The following GNA14 variants were observed in gnomAD, a reference collection of about 807,000 sequenced individuals.
The protein encoded by GNA14 is G protein subunit alpha 14.
Under a neutral mutation model 42.0 loss-of-function variants are expected in GNA14, and 50 were observed. The ratio of observed to expected loss-of-function variants is 1.19; its 90% CI spans 0.95 to 1.51. The LOEUF is 1.51. GNA14 is among the 40% of genes most tolerant of loss of function. The pLI is 0.00. For synonymous variants in GNA14, 173 were observed against 163.1 expected, an observed-to-expected ratio of 1.06 and a Z score of -0.46; for missense variants, 473 against 446.2, an observed-to-expected ratio of 1.06 and a Z score of -0.54.
intron 3 of GNA14, 116 bp downstream of exon 3, chr9:77,434,252 A>G: frequency 1.1e-6 from 1 of 929,966 alleles, no homozygotes; most frequent in South Asian, 1.6e-5. Context: ...AAGCAAAGGC[A>G]AGTAGCGCTG....
chr9:77,449,983 G>C (rs77593535), intron 2 of GNA14, among the ~76,000 whole-genome samples: 2,514 of 152,200 alleles, frequency 0.017, 66 homozygotes, highest in African/African-American at 0.056. Flanking sequence ...AGAACATGAG[G>C]AATTGGCGGT....
At chr9:77,436,571 A>G (rs1665134087) in intron 2 of GNA14, among the ~76,000 whole-genome samples, 1 of 152,106 alleles carries the variant, frequency 6.6e-6, no homozygotes, top group Non-Finnish European at 1.5e-5. Flanking sequence ...GAACCTGGAC[A>G]GTGTTTATCC....
intron 1 of GNA14, among the ~76,000 whole-genome samples, chr9:77,557,685 T>G (rs1822810957): frequency 6.6e-6 from 1 of 151,554 alleles, no homozygotes; most frequent in South Asian, 2.1e-4. Context: ...GAACAAGGAG[T>G]GCGGTGGTTA....
chr9:77,450,421 C>T (rs1046432630), intron 2 of GNA14, among the ~76,000 whole-genome samples: 15 of 152,050 alleles, frequency 9.9e-5, no homozygotes, highest in African/African-American at 1.4e-4. Flanking sequence ...GCTTACATGC[C>T]GCATCAAAGG....
chr9:77,587,550 CA>C (rs1823324988), intron 1 of GNA14, among the ~76,000 whole-genome samples: 1 of 149,170 alleles, frequency 6.7e-6, no homozygotes, highest in Admixed American at 6.6e-5. Flanking sequence ...CCAGAAGACG[CA>C]AAAGTCACAT....
chr9:77,465,123 T>C (rs1310118105), intron 2 of GNA14, among the ~76,000 whole-genome samples: 1 of 152,246 alleles, frequency 6.6e-6, no homozygotes, highest in Admixed American at 6.5e-5. Flanking sequence ...TCTGTTGTTT[T>C]AAGCCACCTA....
At chr9:77,613,678 C>G (rs1336890568) in intron 1 of GNA14, among the ~76,000 whole-genome samples, 1 of 152,152 alleles carries the variant, frequency 6.6e-6, no homozygotes, top group Non-Finnish European at 1.5e-5. Flanking sequence ...ATATGTACAG[C>G]TTTCTATGCG....
rs76355289 is a variant in GNA14 at position 77,506,633 on chromosome 9, G to T, written c.309+22436C>A. ...CGGAGGTTGCAGTGAGCCGAGATCAGGCCACTACACTCCACCCTGTCAACA... is the reference window on the plus strand; with the variant it reads ...CGGAGGTTGCAGTGAGCCGAGATCATGCCACTACACTCCACCCTGTCAACA... On this transcript the variant is annotated intron_variant, in intron 2 of 6. Coordinates refer to ENST00000341700, the MANE Select transcript of GNA14 (RefSeq NM_004297.4). Among the ~76,000 whole-genome samples, 719 of 152,018 alleles carry T rather than the reference G, an allele frequency of 4.7e-3. 7 individuals are homozygous for T. Among genetic ancestry groups the T allele is most frequent in the African/African-American group, 0.017 (701 of 41,466 alleles).
intron 2 of GNA14, among the ~76,000 whole-genome samples, chr9:77,451,268 G>T (rs911983373): frequency 2.6e-5 from 4 of 151,992 alleles, no homozygotes; most frequent in African/African-American, 9.7e-5. Context: ...AGGTGGGGGT[G>T]GTCTTTTCAA....
At chr9:77,610,594 T>C (rs1012819932) in intron 1 of GNA14, among the ~76,000 whole-genome samples, 3 of 152,152 alleles carry the variant, frequency 2.0e-5, no homozygotes, top group Non-Finnish European at 2.9e-5. Flanking sequence ...TTTTAACATA[T>C]AAATTTTAAG....
intron 1 of GNA14, among the ~76,000 whole-genome samples, chr9:77,641,938 A>G (rs1238555743): frequency 2.0e-5 from 3 of 152,234 alleles, no homozygotes; most frequent in Non-Finnish European, 2.9e-5. Flanking sequence ...AACACTGCCA[A>G]GGGAAAAGGG....
rs368612629 is a variant in GNA14 at position 77,484,966 on chromosome 9, A to T, written c.309+44103T>A. On this transcript the variant is annotated intron_variant, in intron 2 of 6. Coordinates refer to ENST00000341700, the MANE Select transcript of GNA14 (RefSeq NM_004297.4). ...ACAGCAAGTTATAATCTTTTTGCTCACAGAGGATCTTTCCTTATGTTGATG... is the reference window on the plus strand; with the variant it reads ...ACAGCAAGTTATAATCTTTTTGCTCTCAGAGGATCTTTCCTTATGTTGATG... Among the ~76,000 whole-genome samples, 196 of 123,732 alleles carry T rather than the reference A, an allele frequency of 1.6e-3. 2 individuals are homozygous for T. The highest frequency in any genetic ancestry group is 0.016 in the South Asian group (60 of 3,796). 81.2% of individuals were successfully genotyped at this position (123,732 alleles called of 152,430 possible). A position where few individuals can be genotyped will look rare whatever the true frequency, so the allele number is the denominator to read the frequency against.
intron 2 of GNA14, among the ~76,000 whole-genome samples, chr9:77,457,749 A>C (rs181313719): frequency 7.2e-5 from 11 of 152,304 alleles, no homozygotes; most frequent in Admixed American, 3.9e-4. Context: ...AATTTTCAAA[A>C]TCCTGCTCCA....
intron 2 of GNA14, among the ~76,000 whole-genome samples, chr9:77,445,254 G>A (rs4745636): frequency 0.16 from 24,426 of 152,092 alleles, 2,197 homozygotes; most frequent in East Asian, 0.36. Context: ...TTGCTACATC[G>A]CATTTCACAT....
chr9:77,521,197 C>T (rs989754616), intron 2 of GNA14, among the ~76,000 whole-genome samples: 1 of 152,244 alleles, frequency 6.6e-6, no homozygotes, highest in South Asian at 2.1e-4. Context: ...CAACAGAGTA[C>T]TTGGTAAGGA....
rs988694058 is a variant in GNA14 at position 77,423,281 on chromosome 9, A to G, written c.*698T>C. The G allele has an allele frequency of 4.9e-3, 750 of 152,234 alleles. 7 individuals are homozygous for G. Among genetic ancestry groups the G allele is most frequent in the African/African-American group, 0.017 (707 of 41,530 alleles). 9.4% of individuals were successfully genotyped at this position (152,234 alleles called of 1,614,324 possible). On this transcript the variant is annotated 3_prime_UTR_variant, in exon 7 of 7. Coordinates refer to ENST00000341700, the MANE Select transcript of GNA14 (RefSeq NM_004297.4). ...AATGTACACACACACACACGTGCACACACACACATTTTTCACCAATAAAAC... is the reference window on the plus strand; with the variant it reads ...AATGTACACACACACACACGTGCACGCACACACATTTTTCACCAATAAAAC...
At chr9:77,473,410 C>T (rs1047247701) in intron 2 of GNA14, among the ~76,000 whole-genome samples, 6 of 152,110 alleles carry the variant, frequency 3.9e-5, no homozygotes, top group African/African-American at 1.2e-4. Context: ...GAATCAAGAT[C>T]ATGCCACTGC....
intron 2 of GNA14, among the ~76,000 whole-genome samples, chr9:77,468,674 C>G (rs975100782): frequency 6.6e-6 from 1 of 152,190 alleles, no homozygotes; most frequent in Non-Finnish European, 1.5e-5. Context: ...TTCCAAGCAG[C>G]ATCATTTAAT....
chr9:77,521,257 G>T (rs1837350975), intron 2 of GNA14, among the ~76,000 whole-genome samples: 1 of 152,086 alleles, frequency 6.6e-6, no homozygotes, highest in African/African-American at 2.4e-5. Context: ...TGGGAAGCAG[G>T]GCCTGAGTTT....
Sources: allele counts gnomAD v4.1 joint callset (sites outside exome capture counted in the v4.1 genomes callset), GRCh38; gene constraint gnomAD v4.1.1; transcripts MANE v1.5; gene names NCBI Gene and HGNC (gene_info 2026-07-23, HGNC 2026-07-21).